The following AGMO variants were observed in gnomAD, a reference collection of about 807,000 sequenced individuals.
The protein encoded by AGMO is alkylglycerol monooxygenase.
Under a neutral mutation model 60.2 loss-of-function variants are expected in AGMO, and 75 were observed. The ratio of observed to expected loss-of-function variants is 1.25; its 90% CI spans 1.03 to 1.51. The LOEUF is 1.51. AGMO is among the 40% of genes most tolerant of loss of function. The pLI is 0.00. For missense variants in AGMO, 763 were observed against 525.5 expected (o/e 1.45, Z -4.42); for synonymous variants, 261 against 177.1 (o/e 1.47, Z -3.76).
the AGMO span, among the ~76,000 whole-genome samples, chr7:15,178,499 T>C: frequency 1.3e-5 from 2 of 152,116 alleles, no homozygotes; most frequent in South Asian, 2.1e-4. Context: ...CCTTTTTTTG[T>C]TGTTTTGTTG....
At chr7:15,345,323 G>A (rs1045156090) in intron 12 of AGMO, among the ~76,000 whole-genome samples, 2 of 152,192 alleles carry the variant, frequency 1.3e-5, no homozygotes, top group African/African-American at 4.8e-5. Flanking sequence ...CCCCAACATG[G>A]TAAGCAATTT....
the AGMO span, among the ~76,000 whole-genome samples, chr7:15,147,023 A>T: frequency 6.6e-6 from 1 of 152,258 alleles, no homozygotes; most frequent in African/African-American, 2.4e-5. Context: ...AAAAACAAAA[A>T]AACCCACAAT....
chr7:15,505,294 G>A (rs1047293986), intron 3 of AGMO, among the ~76,000 whole-genome samples: 3 of 151,976 alleles, frequency 2.0e-5, no homozygotes, highest in East Asian at 1.9e-4. Context: ...CAGGATTTAT[G>A]AGTAGTATAG....
rs370170476 is a variant in AGMO, at chr7:15,354,439, T to TAC, written c.1263+11073_1263+11074dup. Reference sequence around the variant, plus strand: ...GTGTGTATACACACACGTGTGTGTATACACACGTGTGTGTATACACACGTG... The same window carrying TAC: ...GTGTGTATACACACACGTGTGTGTATACACACACGTGTGTGTATACACACGTG... On this transcript the variant is annotated intron_variant, in intron 12 of 12. Coordinates refer to ENST00000342526, the MANE Select transcript of AGMO (RefSeq NM_001004320.2). Among the ~76,000 whole-genome samples, 83 of 20,786 alleles carry TAC rather than the reference T, an allele frequency of 4.0e-3. 1 individual carries two copies. The highest frequency in any genetic ancestry group is 4.9e-3 in the Non-Finnish European group (66 of 13,378). The allele number at this position is 20,786 out of a possible 152,430, so 13.6% of individuals were successfully genotyped here. A position where few individuals can be genotyped will look rare whatever the true frequency, so the allele number is the denominator to read the frequency against.
intron 12 of AGMO, among the ~76,000 whole-genome samples, chr7:15,335,782 C>T (rs975822322): frequency 1.1e-4 from 17 of 152,174 alleles, no homozygotes; most frequent in Non-Finnish European, 2.2e-4. Context: ...AATGTACACA[C>T]TACATATTAC....
chr7:15,308,869 TTCAG>T (rs1443319388), intron 12 of AGMO, among the ~76,000 whole-genome samples: 2 of 152,142 alleles, frequency 1.3e-5, no homozygotes, highest in Non-Finnish European at 2.9e-5. Flanking sequence ...CCTAAACACA[TTCAG>T]TCAATGTATG....
chr7:15,317,812 G>C (rs1186155047), intron 12 of AGMO, among the ~76,000 whole-genome samples: 1 of 150,046 alleles, frequency 6.7e-6, no homozygotes, highest in Non-Finnish European at 1.5e-5. Context: ...AATTCCACTA[G>C]AAGAGATATT....
rs74631112 is a variant in AGMO, at chr7:15,216,690, T to C, written c.1264-15331A>G. 7.3e-3 allele frequency among the ~76,000 whole-genome samples: 1,111 copies of C among 152,264 alleles called. 5 individuals are homozygous for C. The highest frequency in any genetic ancestry group is 0.011 in the Non-Finnish European group (755 of 67,998). On this transcript the variant is annotated intron_variant, in intron 12 of 12. Transcript: ENST00000342526. ...GTATGTCAAATAAAATCAAGTTTTT[T>C]TAAGATATAAAATATAAAGTATGAA...
intron 12 of AGMO, among the ~76,000 whole-genome samples, chr7:15,330,708 CTAA>C (rs1219975145): frequency 6.6e-5 from 10 of 152,184 alleles, no homozygotes; most frequent in African/African-American, 1.4e-4. Flanking sequence ...ATTTTAGTTG[CTAA>C]TATCAGGAAT....
chr7:15,254,231 A>C (rs957621443), intron 12 of AGMO, among the ~76,000 whole-genome samples: 2 of 152,008 alleles, frequency 1.3e-5, no homozygotes, highest in Admixed American at 6.6e-5. Context: ...TATTGGTTTT[A>C]TTTCTTTTCA....
At chr7:15,198,659 A>AG, downstream of AGMO, among the ~76,000 whole-genome samples, 1 of 152,236 alleles carries the variant, frequency 6.6e-6, no homozygotes. Context: ...TTTGGTGGGT[A>AG]GGGGGCCAGG....
At chr7:15,254,866 C>T (rs2128507642) in intron 12 of AGMO, among the ~76,000 whole-genome samples, 1 of 151,856 alleles carries the variant, frequency 6.6e-6, no homozygotes, top group African/African-American at 2.4e-5. Flanking sequence ...AATTAGAAAA[C>T]ATAGAAGAAA....
intron 3 of AGMO, among the ~76,000 whole-genome samples, chr7:15,439,396 A>T (rs1781489512): frequency 6.6e-6 from 1 of 152,196 alleles, no homozygotes; most frequent in South Asian, 2.1e-4. Flanking sequence ...ATTCTGTCTC[A>T]AAAGAAATAA....
the AGMO span, among the ~76,000 whole-genome samples, chr7:15,171,246 G>C: frequency 6.6e-6 from 1 of 152,192 alleles, no homozygotes; most frequent in Non-Finnish European, 1.5e-5. Context: ...CTCCCAAAGT[G>C]ATGGGATTAC....
intron 12 of AGMO, among the ~76,000 whole-genome samples, chr7:15,322,948 A>G (rs1208789819): frequency 8.3e-6 from 1 of 120,186 alleles, no homozygotes; most frequent in Non-Finnish European, 1.9e-5. Context: ...GTGTGTGCAT[A>G]TATATATAAC....
intron 5 of AGMO, among the ~76,000 whole-genome samples, chr7:15,400,787 GATTAA>G (rs1460583099): frequency 6.6e-6 from 1 of 152,132 alleles, no homozygotes; most frequent in Non-Finnish European, 1.5e-5. Flanking sequence ...ATAATAAGGT[GATTAA>G]ATTCTGGTGA....
intron 11 of AGMO, among the ~76,000 whole-genome samples, 169 bp from the exon 12 acceptor site, chr7:15,365,788 C>CA (rs1782953000): frequency 6.6e-6 from 1 of 152,020 alleles, no homozygotes; most frequent in Non-Finnish European, 1.5e-5. Context: ...AAAGAACACT[C>CA]ATCTTTTTCG....
intron 12 of AGMO, among the ~76,000 whole-genome samples, chr7:15,249,432 G>GA (rs1782865101): frequency 6.6e-6 from 1 of 152,078 alleles, no homozygotes; most frequent in Non-Finnish European, 1.5e-5. Flanking sequence ...ATAGATAGAT[G>GA]AAAAATATTT....
At chr7:15,417,695 C>G (rs981800869) in intron 5 of AGMO, among the ~76,000 whole-genome samples, 3 of 152,116 alleles carry the variant, frequency 2.0e-5, no homozygotes, top group Non-Finnish European at 4.4e-5. Context: ...TCTCTTTATT[C>G]CAAGTAAATC....
Sources: gnomAD v4.1 joint callset for allele counts (sites outside exome capture counted in the v4.1 genomes callset) on GRCh38, gnomAD v4.1.1 for gene constraint, MANE v1.5 for transcripts, NCBI Gene and HGNC (gene_info 2026-07-23, HGNC 2026-07-21) for gene names.